Variants in NELL1 observed in about 807,000 individuals in gnomAD.
NELL1 encodes protein kinase C-binding protein NELL1.
NELL1 carries 76 observed loss-of-function variants against 107.4 expected under a neutral mutation model. That is an observed-to-expected ratio of 0.71 (90% confidence interval 0.59 to 0.86). The LOEUF is 0.86. NELL1 is among the 40% of genes least tolerant of loss of function. The pLI, the probability that NELL1 is intolerant of heterozygous loss-of-function variation, is 0.00. For missense variants in NELL1, 1,024 were observed against 1,005.5 expected, an observed-to-expected ratio of 1.02 and a Z score of -0.25; for synonymous variants, 353 against 341.2, an observed-to-expected ratio of 1.03 and a Z score of -0.38.
At chr11:21,289,813 G>T (rs1849209321) in intron 14 of NELL1, among the ~76,000 whole-genome samples, 1 of 152,104 alleles carries the variant, frequency 6.6e-6, no homozygotes, top group Admixed American at 6.5e-5. Flanking sequence ...GGAGGGAGGG[G>T]CATCCGCCAT....
At chr11:21,491,038 C>T (rs1273521845) in intron 15 of NELL1, among the ~76,000 whole-genome samples, 1 of 152,020 alleles carries the variant, frequency 6.6e-6, no homozygotes, top group Non-Finnish European at 1.5e-5. Flanking sequence ...AAACTATTTG[C>T]AAACTGTCTA....
intron 2 of NELL1, among the ~76,000 whole-genome samples, chr11:20,693,565 G>T (rs1385057818): frequency 6.6e-6 from 1 of 152,106 alleles, no homozygotes; most frequent in Non-Finnish European, 1.5e-5. Flanking sequence ...GGCTGGATAT[G>T]AAATTCTGGG....
intron 18 of NELL1, among the ~76,000 whole-genome samples, chr11:21,571,584 A>G (rs902305879): frequency 1.3e-5 from 2 of 151,884 alleles, no homozygotes; most frequent in African/African-American, 4.8e-5. Context: ...TATTGTTAAT[A>G]CTTCCTACCT....
chr11:21,525,971 A>G lies in NELL1; in HGVS notation c.1646-8403A>G, dbSNP rs867590571. Among the ~76,000 whole-genome samples, 28 of 152,222 alleles carry G rather than the reference A, an allele frequency of 1.8e-4. 1 individual carries two copies. Among genetic ancestry groups the G allele is most frequent in the Non-Finnish European group, 1.2e-4 (8 of 68,016 alleles). ...CTCATGTTCTCACATTTCAAAACCA[A>G]TCATGCCTTTCCAACAGTCCCCCAA... On this transcript the variant is annotated intron_variant, in intron 15 of 19. Transcript: ENST00000357134.
At chr11:21,210,153 T>C (rs1857469257) in intron 13 of NELL1, among the ~76,000 whole-genome samples, 1 of 152,184 alleles carries the variant, frequency 6.6e-6, no homozygotes, top group South Asian at 2.1e-4. Context: ...ACATTTAGGT[T>C]GTTTTAATCT....
At chr11:21,523,882 T>C (rs987150287) in intron 15 of NELL1, among the ~76,000 whole-genome samples, 5 of 151,850 alleles carry the variant, frequency 3.3e-5, no homozygotes, top group Non-Finnish European at 7.4e-5. Context: ...ACTTTTTTCA[T>C]ATGTGTGTGT....
rs1289087391 is a variant in NELL1 at position 20,797,583 on chromosome 11, A to AT, written c.335+13753_335+13754insT. The stretch of plus-strand genomic sequence containing the variant: ...TCCATCTCAAAAAAAAAAAAAAAAA[A>AT]AAAAGACAGGAGGTTGCTGCAGTAT... On this transcript the variant is annotated intron_variant, in intron 3 of 19. Coordinates refer to ENST00000357134, the MANE Select transcript of NELL1 (RefSeq NM_006157.5). Among the ~76,000 whole-genome samples the AT allele has an allele frequency of 2.0e-5, 3 of 151,472 alleles. No individual in the cohort carries two copies. The East Asian group carries it at 5.8e-4, about 29-fold the overall frequency.
intron 15 of NELL1, among the ~76,000 whole-genome samples, chr11:21,381,359 A>G (rs548188722): frequency 2.6e-4 from 40 of 152,074 alleles, no homozygotes; most frequent in South Asian, 2.5e-3. Context: ...AGCTGCCACT[A>G]TTTACCCAGC....
Position 21,573,269 on chromosome 11 carries a change from C to G in NELL1, c.2242C>G (p.Arg748Gly). ...TATCTTAGAAGGGGAATGTTGTCCC[C>G]GCTGTGTCAGTGACCCCTGCCTAGC... ...TAILEGECCP[R>G]CVSDPCLADN... Residue 748 changes from arginine to glycine, a missense_variant, in exon 19 of 20, where the codon CGC becomes GGC. Coordinates refer to ENST00000357134, the MANE Select transcript of NELL1 (RefSeq NM_006157.5). 1 of 1,612,446 alleles carries G rather than the reference C, an allele frequency of 6.2e-7. No homozygotes were observed. Among genetic ancestry groups the G allele is most frequent in the Non-Finnish European group, 8.5e-7 (1 of 1,179,056 alleles).
At chr11:21,273,089 A>G (rs908350185) in intron 14 of NELL1, among the ~76,000 whole-genome samples, 2 of 152,220 alleles carry the variant, frequency 1.3e-5, no homozygotes, top group Non-Finnish European at 2.9e-5. Context: ...AAGGCTTCAG[A>G]CGATCAAACT....
intron 13 of NELL1, among the ~76,000 whole-genome samples, chr11:21,115,930 A>G (rs183905965): frequency 6.6e-6 from 1 of 151,952 alleles, no homozygotes; most frequent in East Asian, 1.9e-4. Flanking sequence ...TTTTTCTTTA[A>G]AAAGCCTTCC....
chr11:21,506,668 A>T (rs1311636815), intron 15 of NELL1, among the ~76,000 whole-genome samples: 1 of 152,228 alleles, frequency 6.6e-6, no homozygotes, highest in Admixed American at 6.5e-5. Flanking sequence ...TACTATTATT[A>T]TCTCAAAATA....
intron 14 of NELL1, among the ~76,000 whole-genome samples, chr11:21,268,542 C>T (rs919989632): frequency 6.6e-6 from 1 of 152,104 alleles, no homozygotes; most frequent in Non-Finnish European, 1.5e-5. Context: ...CAGCTCCAGC[C>T]CACTCTAACC....
intron 2 of NELL1, among the ~76,000 whole-genome samples, chr11:20,713,489 A>G (rs11025706): frequency 0.09 from 13,750 of 152,124 alleles, 824 homozygotes; most frequent in Non-Finnish European, 0.13. Context: ...ACACCCACGC[A>G]GTTGGTGAGG....
intron 16 of NELL1, among the ~76,000 whole-genome samples, chr11:21,556,828 C>T (rs1278052437): frequency 6.6e-6 from 1 of 151,852 alleles, no homozygotes; most frequent in Non-Finnish European, 1.5e-5. Context: ...AGATCACAGC[C>T]AGCCATTATT....
At chr11:20,783,889 G>A (rs371970731) in intron 3 of NELL1, 59 bp downstream of exon 3, 6 of 1,478,614 alleles carry the variant, frequency 4.1e-6, no homozygotes, top group South Asian at 2.9e-5. Context: ...TATACAAAAT[G>A]TCTTGGGATT....
At chr11:21,544,743 C>A (rs1856390030) in intron 16 of NELL1, among the ~76,000 whole-genome samples, 1 of 151,830 alleles carries the variant, frequency 6.6e-6, no homozygotes, top group South Asian at 2.1e-4. Flanking sequence ...CTTTCCTCTC[C>A]TGGGCATCTT....
At chr11:20,820,869 TG>T (rs1286137937) in intron 3 of NELL1, among the ~76,000 whole-genome samples, 7 of 150,344 alleles carry the variant, frequency 4.7e-5, no homozygotes, top group Non-Finnish European at 8.9e-5. Context: ...CCCATTACCC[TG>T]ATTTATGTTT....
intron 13 of NELL1, among the ~76,000 whole-genome samples, chr11:21,198,688 AT>A (rs539166632): frequency 3.7e-4 from 56 of 152,190 alleles, no homozygotes; most frequent in African/African-American, 1.3e-3. Flanking sequence ...ATGTTCATAG[AT>A]TTATCACCTT....
Sources: gnomAD v4.1 joint callset for allele counts (sites outside exome capture counted in the v4.1 genomes callset) on GRCh38, gnomAD v4.1.1 for gene constraint, MANE v1.5 for transcripts, NCBI Gene and HGNC (gene_info 2026-07-23, HGNC 2026-07-21) for gene names.